TENM1: variants seen among roughly 807,000 people sequenced by gnomAD.
TENM1 encodes the protein teneurin transmembrane protein 1, also known as teneurin-1.
In TENM1, 35 loss-of-function variants were observed where a neutral mutation model predicts 174.8. That is an observed-to-expected ratio of 0.20 (90% CI 0.15 to 0.27). The LOEUF is 0.27. Among genes scored for constraint, TENM1 ranks in the 10% least tolerant of loss-of-function variants. The probability of loss-of-function intolerance (pLI) is 1.00; values close to 1 mark genes in which losing one functional copy is unlikely to be tolerated. For synonymous variants in TENM1, 781 were observed against 798.7 expected, an observed-to-expected ratio of 0.98 and a Z score of 0.37; for missense variants, 1,633 against 2,130.1, an observed-to-expected ratio of 0.77 and a Z score of 4.59.
intron 23 of TENM1, among the ~76,000 whole-genome samples, chrX:124,441,806 A>G (rs2060905241): frequency 8.9e-6 from 1 of 112,201 alleles, no homozygotes; most frequent in Non-Finnish European, 1.9e-5. Context: ...CTATTAGTTG[A>G]TAGTTACTAT....
chrX:124,949,753 T>C (rs2058454322), intron 1 of TENM1, among the ~76,000 whole-genome samples: 1 of 111,734 alleles, frequency 8.9e-6, no homozygotes, highest in Admixed American at 9.5e-5. Context: ...CTGGTGCAAA[T>C]GTACCCAGGA....
intron 6 of TENM1, among the ~76,000 whole-genome samples, chrX:124,663,656 T>C (rs368246834): frequency 9.0e-6 from 1 of 111,095 alleles, no homozygotes; most frequent in African/African-American, 3.3e-5. Context: ...TTCTATAGCA[T>C]ACCACTTAGT....
intron 16 of TENM1, among the ~76,000 whole-genome samples, chrX:124,524,594 A>G (rs1000031500): frequency 1.7e-4 from 19 of 111,202 alleles, no homozygotes; most frequent in African/African-American, 4.6e-4. Context: ...TTGCTTCACA[A>G]TGGTTTTTGG....
intron 3 of TENM1, among the ~76,000 whole-genome samples, chrX:124,756,754 AC>A (rs1246440386): frequency 8.9e-6 from 1 of 111,796 alleles, no homozygotes; most frequent in Non-Finnish European, 1.9e-5. Flanking sequence ...CTAGAGGTCC[AC>A]TCCAGACCCT....
At chrX:125,153,516 A>G in the TENM1 span, among the ~76,000 whole-genome samples, 2 of 112,449 alleles carry the variant, frequency 1.8e-5, no homozygotes, top group Non-Finnish European at 3.8e-5. Context: ...TTTAATGCCA[A>G]ACATAGTTGA....
chrX:125,006,707 G>C, the TENM1 span, among the ~76,000 whole-genome samples: 1 of 111,492 alleles, frequency 9.0e-6, no homozygotes, highest in Non-Finnish European at 1.9e-5. Flanking sequence ...AGCCTCCACT[G>C]GTAATAGCCA....
At chrX:124,487,184 G>C (rs2046970808) in intron 21 of TENM1, 25 bp downstream of exon 24, 1 of 1,160,442 alleles carries the variant, frequency 8.6e-7, no homozygotes, top group Admixed American at 2.6e-5. Flanking sequence ...GGGGCATTAG[G>C]TAGCTGCTGA....
chrX:124,650,997 G>A (rs1029009412), intron 8 of TENM1, among the ~76,000 whole-genome samples: 1 of 111,903 alleles, frequency 8.9e-6, no homozygotes, highest in Admixed American at 9.5e-5. Context: ...AGAGCAGATG[G>A]TATATCTATT....
At chrX:125,091,985 CAAAAAA>C in the TENM1 span, among the ~76,000 whole-genome samples, 5 of 14,182 alleles carry the variant, frequency 3.5e-4, no homozygotes, top group Non-Finnish European at 5.3e-4. Context: ...AACTCTGTCT[CAAAAAA>C]AAAAAAAAAA....
At chrX:124,841,155 C>T (rs1052745796) in intron 3 of TENM1, among the ~76,000 whole-genome samples, 1 of 111,626 alleles carries the variant, frequency 9.0e-6, no homozygotes, top group Non-Finnish European at 1.9e-5. Context: ...CAACAGGCAA[C>T]AAAAATAGTC....
the TENM1 span, among the ~76,000 whole-genome samples, chrX:125,179,749 C>A: frequency 9.1e-6 from 1 of 110,444 alleles, no homozygotes; most frequent in Admixed American, 9.7e-5. Flanking sequence ...CTCAGACCAA[C>A]TGAAACAGAA....
the TENM1 span, among the ~76,000 whole-genome samples, chrX:125,117,486 G>A: frequency 9.0e-6 from 1 of 111,134 alleles, no homozygotes; most frequent in Non-Finnish European, 1.9e-5. Flanking sequence ...TCATTCATAA[G>A]TGGGAATTGA....
At chrX:125,159,695 A>AT in the TENM1 span, among the ~76,000 whole-genome samples, 3 of 112,202 alleles carry the variant, frequency 2.7e-5, no homozygotes, top group Non-Finnish European at 5.6e-5. Context: ...AAATAAGAAC[A>AT]TTTTTTGTAT....
intron 3 of TENM1, among the ~76,000 whole-genome samples, chrX:124,814,412 T>C (rs2055853532): frequency 9.0e-6 from 1 of 111,208 alleles, no homozygotes; most frequent in African/African-American, 3.3e-5. Context: ...TTTCACACTT[T>C]TGTTCTCTCA....
In TENM1 at chrX:124,886,733, T is replaced by A. The variant is rs1293252599; in HGVS notation, c.535+7563A>T. Among the ~76,000 whole-genome samples the A allele has an allele frequency of 1.3e-4, 13 of 102,931 alleles. No homozygotes were observed. In the South Asian group the frequency reaches 5.8e-3, roughly 46 times the overall value. 89.4% of individuals were successfully genotyped at this position (102,931 alleles called of 115,157 possible). ...ATGCATAATATGTAGTGAAGGTTTT[T>A]TTTTTTTTTTTTTTTTACCCTTAAT... On this transcript the variant is annotated intron_variant, in intron 3 of 31. Coordinates refer to ENST00000422452, the Ensembl canonical transcript of TENM1.
At chrX:124,968,790 T>A (rs764614416), upstream of TENM1, among the ~76,000 whole-genome samples, 3 of 112,208 alleles carry the variant, frequency 2.7e-5, no homozygotes, top group East Asian at 8.4e-4. Flanking sequence ...CACAATTATG[T>A]GTGCCTAGAG....
At chrX:124,987,070 C>G in the TENM1 span, among the ~76,000 whole-genome samples, 1 of 111,232 alleles carries the variant, frequency 9.0e-6, no homozygotes, top group Non-Finnish European at 1.9e-5. Context: ...TCCATGGTCT[C>G]TGGCGTGCTC....
chrX:124,706,788 T>G (rs2052916318), intron 4 of TENM1, among the ~76,000 whole-genome samples: 1 of 111,641 alleles, frequency 9.0e-6, no homozygotes, highest in Non-Finnish European at 1.9e-5. Flanking sequence ...GTATCTCTTT[T>G]GCTCTTTACT....
chrX:124,941,265 T>A (rs1244993968), intron 1 of TENM1, among the ~76,000 whole-genome samples: 1 of 112,050 alleles, frequency 8.9e-6, no homozygotes, highest in Non-Finnish European at 1.9e-5. Context: ...CCAAAACTGG[T>A]AAATATTGTA....
Sources: gnomAD v4.1 joint callset for allele counts (sites outside exome capture counted in the v4.1 genomes callset) on GRCh38, gnomAD v4.1.1 for gene constraint, MANE v1.5 for transcripts, NCBI Gene and HGNC (gene_info 2026-07-23, HGNC 2026-07-21) for gene names.